Variants in FAM3B observed in about 807,000 individuals in gnomAD.
FAM3B encodes protein FAM3B.
In FAM3B, 29 loss-of-function variants were observed where a neutral mutation model predicts 28.4. The observed-to-expected ratio is 1.02, with a 90% CI of 0.76 to 1.39. The LOEUF (loss-of-function observed/expected upper bound fraction) is 1.39, where lower values mean the gene tolerates loss of function less well. Ranked by LOEUF, FAM3B falls within the 40% of genes most tolerant of loss-of-function variation. The pLI is 0.00. For missense variants in FAM3B, 266 were observed against 293.9 expected (o/e 0.91, Z 0.69); for synonymous variants, 91 against 103.0 (o/e 0.88, Z 0.71).
chr21:41,357,115 A>G lies in FAM3B; in HGVS notation c.626A>G (p.His209Arg). 1 of 1,611,340 alleles carries G rather than the reference A, an allele frequency of 6.2e-7. No individual in the cohort carries two copies. Among genetic ancestry groups the G allele is most frequent in the South Asian group, 1.1e-5 (1 of 90,674 alleles). The change falls in exon 8 of 8, where the codon CAC becomes CGC. Residue 209 changes from histidine (H) to arginine (R), a missense_variant. Physicochemically the swap from His to Arg is conservative, Grantham distance 29. Transcript: ENST00000357985. ...PSEIQREKIN[H>R]SDAKNNRYSG... ...CTTCTTTTCTCTACACAGATCAACC[A>G]CTCTGATGCTAAGAACAACAGATAT...
Position 41,344,514 on chromosome 21 carries a change from T to C in FAM3B, c.326T>C (p.Ile109Thr). The change falls in exon 4 of 8, where the codon ATA becomes ACA. Residue 109 changes from isoleucine to threonine, a missense_variant. By Grantham distance (89) the Ile-to-Thr change is moderately conservative. Transcript: ENST00000357985. ...GEQLGNVARGINIAIVNYVTG... is the reference protein window; with the variant it reads ...GEQLGNVARGTNIAIVNYVTG... Reference sequence around the variant, plus strand: ...CAGCTGGGAAATGTTGCCAGAGGAATAAACATTGCCATTGTCAACTGTAAG... The same window carrying C: ...CAGCTGGGAAATGTTGCCAGAGGAACAAACATTGCCATTGTCAACTGTAAG... 1 of 1,614,074 alleles carries C rather than the reference T, an allele frequency of 6.2e-7. No homozygotes were observed. The highest frequency in any genetic ancestry group is 8.5e-7 in the Non-Finnish European group (1 of 1,179,874).
intron 2 of FAM3B, among the ~76,000 whole-genome samples, chr21:41,330,072 T>G (rs1021874212): frequency 5.9e-5 from 9 of 152,026 alleles, no homozygotes; most frequent in Non-Finnish European, 1.0e-4. Context: ...TTGTTAATTG[T>G]TGTTAATCTC....
At chr21:41,355,431 T>C (rs1166109375) in intron 7 of FAM3B, among the ~76,000 whole-genome samples, 1 of 152,224 alleles carries the variant, frequency 6.6e-6, no homozygotes, top group African/African-American at 2.4e-5. Context: ...AAATGTTTGA[T>C]TAATGGGTAA....
At chr21:41,354,426 A>G (rs1009283551) in intron 7 of FAM3B, among the ~76,000 whole-genome samples, 2 of 152,268 alleles carry the variant, frequency 1.3e-5, no homozygotes, top group African/African-American at 4.8e-5. Context: ...CATGGAGTCA[A>G]CCCAAATGCC....
At chr21:41,344,662 TTATA>T (rs1310279345) in intron 4 of FAM3B, 128 bp downstream of exon 4, 11 of 661,550 alleles carry the variant, frequency 1.7e-5, no homozygotes, top group Non-Finnish European at 2.7e-6. Flanking sequence ...CATTTTAAGA[TTATA>T]TACTCAATTA....
rs768309277 is a variant in FAM3B, at chr21:41,347,001, A to C, written c.398-12A>C. 3 of 1,613,858 alleles carry C rather than the reference A, an allele frequency of 1.9e-6. No individual in the cohort carries two copies. The highest frequency in any genetic ancestry group is 1.3e-5 in the African/African-American group (1 of 75,042). On this transcript the variant is annotated splice_polypyrimidine_tract_variant and intron_variant, in intron 5 of 7. Transcript: ENST00000357985. ...AGCAAAGACCCTAAAACTGACTTGCATCCCCCAATAGATAACTCTGGACCG... is the reference window on the plus strand; with the variant it reads ...AGCAAAGACCCTAAAACTGACTTGCCTCCCCCAATAGATAACTCTGGACCG...
intron 2 of FAM3B, among the ~76,000 whole-genome samples, chr21:41,337,675 T>C (rs970247832): frequency 2.0e-5 from 3 of 151,658 alleles, no homozygotes; most frequent in Non-Finnish European, 2.9e-5. Context: ...GTGGGAGTGG[T>C]GTGGTGCGTG....
chr21:41,316,439 G>A (rs986224963), upstream of FAM3B, among the ~76,000 whole-genome samples: 1 of 152,248 alleles, frequency 6.6e-6, no homozygotes, highest in African/African-American at 2.4e-5. Context: ...CTTGGACTGG[G>A]CTGGGCCTCT....
chr21:41,316,826 C>T lies in FAM3B; in HGVS notation c.-54C>T. The T allele has an allele frequency of 7.0e-7, 1 of 1,425,220 alleles. No individual in the cohort carries two copies. Among genetic ancestry groups the T allele is most frequent in the Non-Finnish European group, 9.2e-7 (1 of 1,092,232 alleles). 88.3% of individuals were successfully genotyped at this position (1,425,220 alleles called of 1,614,324 possible). On this transcript the variant is annotated 5_prime_UTR_variant, in exon 1 of 8. Transcript: ENST00000357985. ...CTTCCTGACCCAGGGGCTCCGCTGG[C>T]TGCGGTCGCCTGGGAGCTGCCGCCA...
intron 1 of FAM3B, among the ~76,000 whole-genome samples, chr21:41,318,523 G>A (rs750102370): frequency 2.0e-5 from 3 of 152,182 alleles, no homozygotes. Flanking sequence ...TGCCAAAAAG[G>A]CTCAGTGCAC....
intron 5 of FAM3B, 128 bp from the exon 6 acceptor site, chr21:41,346,885 C>A: frequency 2.6e-6 from 2 of 782,964 alleles, no homozygotes; most frequent in South Asian, 1.5e-5. Flanking sequence ...CAGGGTTGAG[C>A]AGCGAGCGCT....
In FAM3B at chr21:41,357,319, C is replaced by G. The variant is rs188174846; in HGVS notation, c.*122C>G. Reference sequence around the variant, plus strand: ...TGAGTATTTTGGGTTTGTTGTAAACCAATGAACATTTGCTAGTTGTATCAA... The same window carrying G: ...TGAGTATTTTGGGTTTGTTGTAAACGAATGAACATTTGCTAGTTGTATCAA... On this transcript the variant is annotated 3_prime_UTR_variant, in exon 8 of 8. Coordinates refer to ENST00000357985, the MANE Select transcript of FAM3B (RefSeq NM_058186.4). 150 of 520,558 alleles carry G rather than the reference C, an allele frequency of 2.9e-4. 1 individual carries two copies. In the East Asian group the frequency reaches 5.0e-3, roughly 17 times the overall value. The allele number at this position is 520,558 out of a possible 1,614,324, so 32.2% of individuals were successfully genotyped here.
Position 41,331,162 on chromosome 21 carries a change from G to A in FAM3B, c.164-7216G>A, listed in dbSNP as rs917505354. Among the ~76,000 whole-genome samples, 16 of 152,226 alleles carry A rather than the reference G, an allele frequency of 1.1e-4. 1 individual carries two copies. The highest frequency in any genetic ancestry group is 3.9e-4 in the East Asian group (2 of 5,182). On this transcript the variant is annotated intron_variant, in intron 2 of 7. Coordinates refer to ENST00000357985, the MANE Select transcript of FAM3B (RefSeq NM_058186.4). The stretch of plus-strand genomic sequence containing the variant: ...GGTGTGAGCTGATATCTCCTCATGC[G>A]TTTGCATTGCCCTGATTATTAGTAA...
chr21:41,318,379 C>T (rs988419409), intron 1 of FAM3B, among the ~76,000 whole-genome samples: 2 of 152,174 alleles, frequency 1.3e-5, no homozygotes, highest in African/African-American at 4.8e-5. Context: ...GTTGAGCTGC[C>T]GCCATGCCTT....
chr21:41,308,535 C>CT (rs562737882), intron 1 of FAM3B, among the ~76,000 whole-genome samples: 5,921 of 119,350 alleles, frequency 0.05, 192 homozygotes, highest in Middle Eastern at 0.073. Context: ...TTTTTCTTTT[C>CT]TTTTTTTTTT....
intron 2 of FAM3B, among the ~76,000 whole-genome samples, chr21:41,324,457 G>A (rs1279980383): frequency 6.6e-6 from 1 of 152,180 alleles, no homozygotes; most frequent in East Asian, 1.9e-4. Flanking sequence ...GAACAGGGAA[G>A]AAACAAGGAA....
At chr21:41,304,915 G>T (rs1484213525) in intron 1 of FAM3B, among the ~76,000 whole-genome samples, 1 of 152,296 alleles carries the variant, frequency 6.6e-6, no homozygotes, top group Non-Finnish European at 1.5e-5. Context: ...AGGGGCTGCT[G>T]GAGTGAAGGA....
At chr21:41,336,507 G>A (rs1191534829) in intron 2 of FAM3B, among the ~76,000 whole-genome samples, 1 of 152,200 alleles carries the variant, frequency 6.6e-6, no homozygotes, top group Non-Finnish European at 1.5e-5. Flanking sequence ...GGGTGACAGA[G>A]TGAGACTCCA....
At chr21:41,350,933 G>A (rs537513071) in intron 7 of FAM3B, among the ~76,000 whole-genome samples, 5 of 152,154 alleles carry the variant, frequency 3.3e-5, no homozygotes, top group Admixed American at 1.3e-4. Flanking sequence ...TAGCAAGGGC[G>A]GCGGTGAGCA....
Sources: allele counts gnomAD v4.1 joint callset (sites outside exome capture counted in the v4.1 genomes callset), GRCh38; gene constraint gnomAD v4.1.1; transcripts MANE v1.5; gene names NCBI Gene and HGNC (gene_info 2026-07-23, HGNC 2026-07-21).